WIF1: variants seen among roughly 807,000 people sequenced by gnomAD.
WIF1 encodes the protein Wnt inhibitory factor 1.
WIF1 carries 35 observed loss-of-function variants against 53.5 expected under a neutral mutation model. The observed-to-expected ratio is 0.65, with a 90% CI of 0.50 to 0.87. The LOEUF is 0.87. Ranked by LOEUF, WIF1 falls within the 40% of genes least tolerant of loss-of-function variation. The pLI, the probability that WIF1 is intolerant of heterozygous loss-of-function variation, is 0.00. For synonymous variants in WIF1, 171 were observed against 170.4 expected, an observed-to-expected ratio of 1.00 and a Z score of -0.03; for missense variants, 467 against 476.8, an observed-to-expected ratio of 0.98 and a Z score of 0.19.
At position 65,062,468 on chromosome 12, in the gene WIF1, A is replaced by G. The variant is rs375948246; in HGVS notation, c.826+13T>C. The G allele has an allele frequency of 8.8e-6, 14 of 1,598,778 alleles. No homozygotes were observed. The highest frequency in any genetic ancestry group is 1.7e-5 in the Admixed American group (1 of 58,914). ...CTCCCCAAGTCAAAAGAACGCAGAAAGTCAATACTCACTGATTTCACACTG... is the reference window on the plus strand; with the variant it reads ...CTCCCCAAGTCAAAAGAACGCAGAAGGTCAATACTCACTGATTTCACACTG... On this transcript the variant is annotated intron_variant, in intron 7 of 9. Coordinates refer to ENST00000286574, the MANE Select transcript of WIF1 (RefSeq NM_007191.5).
chr12:65,068,768 T>C lies in WIF1; in HGVS notation c.534A>G (p.Gln178=). Residue 178 remains glutamine, a synonymous_variant, in exon 4 of 10, where the codon CAA becomes CAG. Transcript: ENST00000286574. ...PQNAIFFKTC[Q]QAECPGGCRN... ...TGAATCACCATCGGTGCTTACCTTG[T>C]TGACATGTTTTAAAGAAGATAGCAT... 2 of 1,613,270 alleles carry C rather than the reference T, an allele frequency of 1.2e-6. No individual in the cohort carries two copies. Among genetic ancestry groups the C allele is most frequent in the Non-Finnish European group, 1.7e-6 (2 of 1,179,564 alleles).
intron 2 of WIF1, among the ~76,000 whole-genome samples, chr12:65,098,499 T>C (rs973726919): frequency 6.6e-6 from 1 of 152,156 alleles, no homozygotes; most frequent in Non-Finnish European, 1.5e-5. Flanking sequence ...TGATATCATA[T>C]GGCTGCCACA....
chr12:65,111,036 G>A (rs1412539974), intron 2 of WIF1, among the ~76,000 whole-genome samples: 1 of 152,170 alleles, frequency 6.6e-6, no homozygotes. Context: ...GAAACTTCAC[G>A]TGCAAAGGCC....
chr12:65,066,910 A>G (rs1882695735), intron 5 of WIF1, among the ~76,000 whole-genome samples, 174 bp from the exon 6 acceptor site: 1 of 146,434 alleles, frequency 6.8e-6, no homozygotes, highest in Non-Finnish European at 1.5e-5. Flanking sequence ...GGTATAAATT[A>G]GGCTGTTTTT....
intron 2 of WIF1, among the ~76,000 whole-genome samples, chr12:65,113,610 T>C (rs1267215986): frequency 2.0e-5 from 3 of 152,050 alleles, no homozygotes; most frequent in African/African-American, 4.8e-5. Context: ...CTTTTTTTTT[T>C]CCTTCTGGCA....
chr12:65,078,842 G>T (rs540732370), intron 2 of WIF1, among the ~76,000 whole-genome samples: 1 of 152,208 alleles, frequency 6.6e-6, no homozygotes, highest in African/African-American at 2.4e-5. Context: ...GAGCTTTAAT[G>T]CTTAATGGAT....
At chr12:65,085,163 A>G (rs933589384) in intron 2 of WIF1, among the ~76,000 whole-genome samples, 1 of 152,288 alleles carries the variant, frequency 6.6e-6, no homozygotes, top group South Asian at 2.1e-4. Flanking sequence ...TAATTGTGCT[A>G]TCACTGCGAA....
At chr12:65,083,925 A>C (rs981250616) in intron 2 of WIF1, 4 of 302,136 alleles carry the variant, frequency 1.3e-5, no homozygotes, top group African/African-American at 2.3e-5. Context: ...TGTAGCCTCA[A>C]CCTCCTGGGC....
chr12:65,084,702 G>T (rs1209342066), intron 2 of WIF1, among the ~76,000 whole-genome samples: 2 of 152,172 alleles, frequency 1.3e-5, no homozygotes, highest in Admixed American at 6.6e-5. Context: ...TGCTGAATAA[G>T]TGAATGAATG....
chr12:65,093,687 C>A (rs1331463456), intron 2 of WIF1, among the ~76,000 whole-genome samples: 1 of 152,080 alleles, frequency 6.6e-6, no homozygotes, highest in Admixed American at 6.6e-5. Flanking sequence ...CACACAGACA[C>A]ATTAAAGTTG....
intron 2 of WIF1, among the ~76,000 whole-genome samples, chr12:65,106,169 A>G (rs1259541026): frequency 2.0e-5 from 3 of 152,008 alleles, no homozygotes; most frequent in Admixed American, 6.6e-5. Context: ...AGTAAATGAA[A>G]CAGAATGCCT....
intron 3 of WIF1, among the ~76,000 whole-genome samples, chr12:65,070,694 G>A (rs958496561): frequency 7.9e-5 from 12 of 152,006 alleles, no homozygotes; most frequent in African/African-American, 2.7e-4. Flanking sequence ...TCTTTTTTCT[G>A]AACCACATTC....
chr12:65,086,551 G>A (rs913594710), intron 2 of WIF1, among the ~76,000 whole-genome samples: 5 of 152,132 alleles, frequency 3.3e-5, no homozygotes, highest in Non-Finnish European at 5.9e-5. Flanking sequence ...AGAGCACAAC[G>A]ACACATTTCT....
intron 2 of WIF1, among the ~76,000 whole-genome samples, chr12:65,088,710 T>C (rs1414969143): frequency 2.0e-5 from 3 of 152,128 alleles, no homozygotes; most frequent in Admixed American, 2.0e-4. Flanking sequence ...GATGTATACA[T>C]AGCAACTCTC....
At chr12:65,063,696 CTCT>C (rs1882646771) in intron 6 of WIF1, among the ~76,000 whole-genome samples, 1 of 123,228 alleles carries the variant, frequency 8.1e-6, no homozygotes, top group Non-Finnish European at 1.7e-5. Context: ...CAAATCAAAA[CTCT>C]TTTTTTTTTT....
intron 2 of WIF1, among the ~76,000 whole-genome samples, chr12:65,118,158 G>A (rs555404874): frequency 1.1e-4 from 17 of 152,296 alleles, no homozygotes; most frequent in Middle Eastern, 6.8e-3. Flanking sequence ...TTTTGTTTAT[G>A]TATTGTTGAA....
chr12:65,113,028 C>A (rs965508696), intron 2 of WIF1, among the ~76,000 whole-genome samples: 9 of 152,154 alleles, frequency 5.9e-5, no homozygotes, highest in African/African-American at 1.9e-4. Flanking sequence ...TCCCAGAGGG[C>A]AGGTACTGGG....
chr12:65,117,986 C>G (rs1883538290), intron 2 of WIF1, among the ~76,000 whole-genome samples: 1 of 152,174 alleles, frequency 6.6e-6, no homozygotes, highest in Non-Finnish European at 1.5e-5. Context: ...GTCTGTGGCC[C>G]AGAGGTTGGG....
At chr12:65,104,770 A>C (rs532442342) in intron 2 of WIF1, among the ~76,000 whole-genome samples, 132 of 152,322 alleles carry the variant, frequency 8.7e-4, no homozygotes, top group African/African-American at 3.0e-3. Flanking sequence ...GTTTACAGGC[A>C]AAAATATGAT....
Sources: gnomAD v4.1 joint callset for allele counts (sites outside exome capture counted in the v4.1 genomes callset) on GRCh38, gnomAD v4.1.1 for gene constraint, MANE v1.5 for transcripts, NCBI Gene and HGNC (gene_info 2026-07-23, HGNC 2026-07-21) for gene names.